The following ADAM10 variants were observed in gnomAD, a reference collection of about 807,000 sequenced individuals.
The protein encoded by ADAM10 is ADAM metallopeptidase domain 10.
In ADAM10, 17 loss-of-function variants were observed where a neutral mutation model predicts 90.1. The observed-to-expected ratio is 0.19, with a 90% CI of 0.13 to 0.28. The LOEUF (loss-of-function observed/expected upper bound fraction) is 0.28. ADAM10 is among the 10% of genes least tolerant of loss of function. The pLI is 1.00. For missense variants in ADAM10, 610 were observed against 914.3 expected, an observed-to-expected ratio of 0.67 and a Z score of 4.29; for synonymous variants, 310 against 298.6, an observed-to-expected ratio of 1.04 and a Z score of -0.40.
intron 2 of ADAM10, among the ~76,000 whole-genome samples, chr15:58,682,612 T>C (rs1390775275): frequency 6.6e-6 from 1 of 152,176 alleles, no homozygotes; most frequent in Non-Finnish European, 1.5e-5. Flanking sequence ...AATAAGTTAC[T>C]TGGAGATTAA....
chr15:58,650,583 C>G (rs1333004424), intron 5 of ADAM10, among the ~76,000 whole-genome samples: 5 of 152,166 alleles, frequency 3.3e-5, no homozygotes, highest in Admixed American at 6.5e-5. Flanking sequence ...CTCTCAGTCT[C>G]TCAGCCACCT....
intron 2 of ADAM10, 130 bp from the exon 3 acceptor site, chr15:58,682,444 G>T: frequency 7.2e-7 from 1 of 1,397,010 alleles, no homozygotes; most frequent in Non-Finnish European, 9.4e-7. Flanking sequence ...GAAATACGCT[G>T]ACCAAGATTT....
intron 14 of ADAM10, among the ~76,000 whole-genome samples, chr15:58,601,270 A>T (rs1488859408): frequency 6.6e-6 from 1 of 151,978 alleles, no homozygotes; most frequent in Non-Finnish European, 1.5e-5. Context: ...GAGACTAGCC[A>T]GGCCCACATG....
At chr15:58,700,272 C>T (rs1418913795) in intron 2 of ADAM10, among the ~76,000 whole-genome samples, 2 of 152,162 alleles carry the variant, frequency 1.3e-5, no homozygotes, top group African/African-American at 4.8e-5. Context: ...TTTCATACAA[C>T]AGTTAGAGTA....
chr15:58,720,961 T>C (rs1304911778), intron 1 of ADAM10, among the ~76,000 whole-genome samples: 2 of 152,240 alleles, frequency 1.3e-5, no homozygotes, highest in Non-Finnish European at 2.9e-5. Flanking sequence ...CCACTCCTTT[T>C]TCGGCACCAA....
In ADAM10 at chr15:58,610,491, C is replaced by T; in HGVS notation, c.1831G>A (p.Gly611Arg). Residue 611 changes from glycine (G) to arginine (R), a missense_variant, in exon 14 of 16, where the codon GGG becomes AGG. By Grantham distance (125) the Gly-to-Arg change is moderately radical. Around this residue, in one of 4 missense-constraint regions of ADAM10, gnomAD observed 150 missense variants for 268.5 expected, o/e 0.56. Coordinates refer to ENST00000260408, the MANE Select transcript of ADAM10 (RefSeq NM_001110.4). The part of the protein sequence containing the change: ...KMDPSTCAST[G>R]SVQWSRHFSG... ...AAGTGCCTACTCCACTGCACAGACC[C>T]TGTACTGGCACAAGTTGATGGGTCC... 1.9e-6 allele frequency: 3 copies of T among 1,614,164 alleles called. No homozygotes were observed. The highest frequency in any genetic ancestry group is 2.5e-6 in the Non-Finnish European group (3 of 1,180,032).
intron 1 of ADAM10, among the ~76,000 whole-genome samples, chr15:58,721,983 G>A (rs984183211): frequency 2.0e-5 from 3 of 152,006 alleles, no homozygotes; most frequent in Admixed American, 6.6e-5. Context: ...AGCCAAAACC[G>A]CACCATTGCA....
intron 2 of ADAM10, among the ~76,000 whole-genome samples, chr15:58,694,619 C>A (rs1897924750): frequency 6.6e-6 from 1 of 151,970 alleles, no homozygotes; most frequent in Non-Finnish European, 1.5e-5. Context: ...TATATCCACA[C>A]AAATAACTGA....
intron 1 of ADAM10, 60 bp downstream of exon 1, chr15:58,749,420 C>G (rs1899905370): frequency 3.4e-6 from 5 of 1,482,016 alleles, no homozygotes; most frequent in East Asian, 2.9e-5. Context: ...GGGCTCCGCT[C>G]GGCCCGGCCG....
At chr15:58,637,792 C>A (rs1297521651) in intron 8 of ADAM10, among the ~76,000 whole-genome samples, 2 of 152,036 alleles carry the variant, frequency 1.3e-5, no homozygotes, top group Non-Finnish European at 2.9e-5. Context: ...GATTCCAGAT[C>A]CTGTTCCACC....
chr15:58,672,288 ATAAC>A (rs2093992037), intron 4 of ADAM10: 1 of 153,236 alleles, frequency 6.5e-6, no homozygotes, highest in South Asian at 2.1e-4. Flanking sequence ...CTGAGGAAAA[ATAAC>A]TAAACTTGGT....
chr15:58,590,773 G>A lies in ADAM10; in HGVS notation c.*6774C>T, dbSNP rs1347013038. 6.6e-6 allele frequency: 1 copy of A among 152,066 alleles called. No individual in the cohort carries two copies. Among genetic ancestry groups the A allele is most frequent in the Non-Finnish European group, 1.5e-5 (1 of 67,996 alleles). The allele number at this position is 152,066 out of a possible 1,614,324, so 9.4% of individuals were successfully genotyped here. ...TAATAAAATATTCATTTAAAATAAA[G>A]AATAAAATTGCTTAATGTGTTCAGT... On this transcript the variant is annotated 3_prime_UTR_variant, in exon 16 of 16. Coordinates refer to ENST00000260408, the MANE Select transcript of ADAM10 (RefSeq NM_001110.4).
intron 1 of ADAM10, chr15:58,747,980 C>A (rs1899845369): frequency 6.6e-6 from 1 of 152,030 alleles, no homozygotes; most frequent in African/African-American, 2.4e-5. Flanking sequence ...GATAGGAAAA[C>A]GATTTGTTGA....
intron 11 of ADAM10, 72 bp from the exon 12 acceptor site, chr15:58,612,063 T>C: frequency 7.2e-7 from 1 of 1,394,390 alleles, no homozygotes; most frequent in East Asian, 2.5e-5. Context: ...GATATTAGAT[T>C]AGATCCACAT....
intron 1 of ADAM10, among the ~76,000 whole-genome samples, chr15:58,721,007 C>T (rs1484218346): frequency 6.6e-6 from 1 of 152,194 alleles, no homozygotes; most frequent in East Asian, 1.9e-4. Flanking sequence ...GTCTCTGCTG[C>T]TTAAATCAGG....
intron 11 of ADAM10, among the ~76,000 whole-genome samples, chr15:58,618,211 A>G (rs2141005694): frequency 6.9e-6 from 1 of 145,598 alleles, no homozygotes; most frequent in South Asian, 2.2e-4. Context: ...GAATTCAGAA[A>G]TAAATCTATA....
intron 15 of ADAM10, among the ~76,000 whole-genome samples, chr15:58,598,443 A>T (rs1348131414): frequency 6.6e-6 from 1 of 152,216 alleles, no homozygotes; most frequent in African/African-American, 2.4e-5. Flanking sequence ...TCTAACTCTC[A>T]CTAAGATACT....
At chr15:58,612,784 C>T (rs1019072879) in intron 11 of ADAM10, among the ~76,000 whole-genome samples, 1 of 152,224 alleles carries the variant, frequency 6.6e-6, no homozygotes, top group South Asian at 2.1e-4. Flanking sequence ...AGTGTATAAT[C>T]CCAGCTACAG....
intron 2 of ADAM10, among the ~76,000 whole-genome samples, chr15:58,702,674 T>C (rs2140792825): frequency 6.6e-6 from 1 of 152,292 alleles, no homozygotes; most frequent in South Asian, 2.1e-4. Flanking sequence ...TTAAATTGGA[T>C]TAAAACCACA....
Sources: gnomAD v4.1 joint callset for allele counts (sites outside exome capture counted in the v4.1 genomes callset) on GRCh38, gnomAD v4.1.1 for gene constraint, gnomAD v4.1.1 regional missense constraint, MANE v1.5 for transcripts, NCBI Gene and HGNC (gene_info 2026-07-23, HGNC 2026-07-21) for gene names.